Variants in PODXL2 observed in about 807,000 individuals in gnomAD.
The protein encoded by PODXL2 is podocalyxin-like protein 2.
A neutral mutation model predicts 53.4 loss-of-function variants in PODXL2; 17 were observed. That is an observed-to-expected ratio of 0.32 (90% CI 0.22 to 0.48). The LOEUF is 0.48. PODXL2 is among the 20% of genes least tolerant of loss of function. The probability of loss-of-function intolerance (pLI) is 0.99; values close to 1 mark genes in which losing one functional copy is unlikely to be tolerated. For missense variants in PODXL2, 673 were observed against 760.0 expected, an observed-to-expected ratio of 0.89 and a Z score of 1.35; for synonymous variants, 311 against 306.7, an observed-to-expected ratio of 1.01 and a Z score of -0.15.
intron 1 of PODXL2, among the ~76,000 whole-genome samples, chr3:127,636,277 A>G (rs1385174451): frequency 1.3e-5 from 2 of 152,208 alleles, no homozygotes; most frequent in African/African-American, 4.8e-5. Flanking sequence ...TTTCTTTCCC[A>G]TCTACCTAGT....
intron 2 of PODXL2, 76 bp from the exon 3 acceptor site, chr3:127,660,302 G>C (rs1266337658): frequency 1.9e-6 from 3 of 1,548,430 alleles, no homozygotes; most frequent in Admixed American, 3.8e-5. Flanking sequence ...GTTCTTTTAT[G>C]CCATCTGCCC....
At chr3:127,657,800 A>G (rs1000002380) in intron 2 of PODXL2, among the ~76,000 whole-genome samples, 1 of 152,300 alleles carries the variant, frequency 6.6e-6, no homozygotes, top group South Asian at 2.1e-4. Flanking sequence ...TTCATGCATT[A>G]TATCTTAATT....
In PODXL2 at chr3:127,669,123, G is replaced by A. The variant is rs2074814640; in HGVS notation, c.1364-18G>A. 2 of 1,581,322 alleles carry A rather than the reference G, an allele frequency of 1.3e-6. No individual in the cohort carries two copies. Among genetic ancestry groups the A allele is most frequent in the Non-Finnish European group, 1.7e-6 (2 of 1,158,262 alleles). ...CTCAGCCATGGTCACACTGATAGTGGTGTTTCTTACCCCCCAGGGGTGGTG... is the reference window on the plus strand; with the variant it reads ...CTCAGCCATGGTCACACTGATAGTGATGTTTCTTACCCCCCAGGGGTGGTG... On this transcript the variant is annotated intron_variant, in intron 5 of 7. Coordinates refer to ENST00000342480, the MANE Select transcript of PODXL2 (RefSeq NM_015720.4).
Position 127,652,186 on chromosome 3 carries a change from C to T in PODXL2, c.350-8192C>T, listed in dbSNP as rs149285391. Among the ~76,000 whole-genome samples, 17 of 152,326 alleles carry T rather than the reference C, an allele frequency of 1.1e-4. No individual in the cohort carries two copies. The East Asian group carries it at 3.3e-3, about 29-fold the overall frequency. On this transcript the variant is annotated intron_variant, in intron 2 of 7. Coordinates refer to ENST00000342480, the MANE Select transcript of PODXL2 (RefSeq NM_015720.4). ...ACAAGTCTAGCATCACAACTTAGAG[C>T]AAGAATCCTCCTCTCCTGGGCTCCC...
intron 5 of PODXL2, 55 bp downstream of exon 5, chr3:127,668,652 C>T (rs971647154): frequency 2.8e-6 from 4 of 1,422,068 alleles, no homozygotes; most frequent in Non-Finnish European, 3.7e-6. Context: ...GGCGGGCGGC[C>T]CCTGAGGGTC....
intron 4 of PODXL2, among the ~76,000 whole-genome samples, chr3:127,664,848 G>C (rs1232179513): frequency 6.6e-6 from 1 of 152,038 alleles, no homozygotes; most frequent in Admixed American, 6.5e-5. Flanking sequence ...TTGAGCATTA[G>C]TCATTATTAT....
At chr3:127,671,306 A>G in intron 6 of PODXL2, 128 bp from the exon 7 acceptor site, 1 of 803,822 alleles carries the variant, frequency 1.2e-6, no homozygotes, top group South Asian at 1.7e-5. Context: ...AGGGAACTTC[A>G]GGAGCCGGGA....
intron 2 of PODXL2, among the ~76,000 whole-genome samples, chr3:127,650,766 C>T (rs1020041334): frequency 1.2e-4 from 18 of 152,062 alleles, no homozygotes; most frequent in South Asian, 4.1e-4. Context: ...ACACCATTCT[C>T]CTGCCTCAGC....
intron 4 of PODXL2, among the ~76,000 whole-genome samples, chr3:127,665,107 T>C (rs1456047292): frequency 1.3e-5 from 2 of 152,220 alleles, no homozygotes; most frequent in Non-Finnish European, 2.9e-5. Flanking sequence ...CTACCTTATT[T>C]CAATTTCACC....
chr3:127,660,748 G>C lies in PODXL2; in HGVS notation c.720G>C (p.Gly240=). The part of the protein sequence containing the change: ...SSGVEVESSM[G]PSLLLPSVTP... ...GTGTGGAGGTGGAGAGCAGCATGGG[G>C]CCCAGCTTGCTGCTGCCTTCAGTCA... is the stretch of plus-strand genomic sequence containing the variant. Residue 240 remains glycine (G), a synonymous_variant, in exon 3 of 8, where the codon GGG becomes GGC. Coordinates refer to ENST00000342480, the MANE Select transcript of PODXL2 (RefSeq NM_015720.4). 1.2e-6 allele frequency: 2 copies of C among 1,614,174 alleles called. No homozygotes were observed. Among genetic ancestry groups the C allele is most frequent in the Non-Finnish European group, 1.7e-6 (2 of 1,180,024 alleles).
intron 2 of PODXL2, among the ~76,000 whole-genome samples, chr3:127,657,265 T>C (rs2074731332): frequency 6.6e-6 from 1 of 152,152 alleles, no homozygotes; most frequent in Admixed American, 6.5e-5. Flanking sequence ...AGAGAGATCG[T>C]TTTAGTCAGC....
At chr3:127,662,206 C>T (rs900326108) in intron 3 of PODXL2, 31 bp from the exon 4 acceptor site, 106 of 1,597,552 alleles carry the variant, frequency 6.6e-5, no homozygotes, top group Non-Finnish European at 7.0e-5. Context: ...GCCTTCGTAA[C>T]TGTCGCCCTT....
chr3:127,672,231 G>A (rs1427416214), intron 7 of PODXL2, 37 bp from the exon 8 acceptor site: 3 of 1,519,366 alleles, frequency 2.0e-6, no homozygotes, highest in Admixed American at 3.9e-5. Flanking sequence ...CCGGGGGCTG[G>A]CTCGCTCGCC....
intron 2 of PODXL2, 148 bp from the exon 3 acceptor site, chr3:127,660,230 C>T (rs1299822797): frequency 4.7e-6 from 4 of 853,634 alleles, no homozygotes; most frequent in Non-Finnish European, 7.2e-6. Flanking sequence ...TGTCCTCCCA[C>T]AGTCTGCTCC....
chr3:127,649,393 G>A (rs1008856330), intron 2 of PODXL2, among the ~76,000 whole-genome samples: 11 of 152,200 alleles, frequency 7.2e-5, no homozygotes, highest in Admixed American at 7.2e-4. Context: ...GTCCCTAATC[G>A]TCTCCTTAGG....
chr3:127,653,096 C>T (rs898258002), intron 2 of PODXL2, among the ~76,000 whole-genome samples: 1 of 152,304 alleles, frequency 6.6e-6, no homozygotes, highest in East Asian at 1.9e-4. Flanking sequence ...TTTTTCACCT[C>T]CAAAGTGCCT....
intron 2 of PODXL2, among the ~76,000 whole-genome samples, chr3:127,655,537 G>A (rs566985971): frequency 6.6e-6 from 1 of 152,302 alleles, no homozygotes; most frequent in Admixed American, 6.5e-5. Flanking sequence ...CCTGACCAGA[G>A]CCCTGTGTGG....
chr3:127,629,398 AGCGCGCGTGTCCCGGCCGGGCCGCGGC>A lies in PODXL2; in HGVS notation c.70+112_70+138del. 1 of 859,432 alleles carries A rather than the reference AGCGCGCGTGTCCCGGCCGGGCCGCGGC, an allele frequency of 1.2e-6. No homozygotes were observed. The highest frequency in any genetic ancestry group is 1.4e-6 in the Non-Finnish European group (1 of 715,774). The allele number at this position is 859,432 out of a possible 1,614,324, so 53.2% of individuals were successfully genotyped here. A position where few individuals can be genotyped will look rare whatever the true frequency, so the allele number is the denominator to read the frequency against. ...GGGGCCAGAGTGCGGCGCCGCCGGG[AGCGCGCGTGTCCCGGCCGGGCCGCGGC>A]GCCGCCCCGACACACGCGCACGAGG... On this transcript the variant is annotated intron_variant, in intron 1 of 7. Coordinates refer to ENST00000342480, the MANE Select transcript of PODXL2 (RefSeq NM_015720.4). This position sits in a 1 kb window ranked among gnomAD's most constrained non-coding sequence, Gnocchi z 6.4.
chr3:127,635,432 G>T (rs2074571796), intron 1 of PODXL2, among the ~76,000 whole-genome samples: 1 of 152,182 alleles, frequency 6.6e-6, no homozygotes, highest in Non-Finnish European at 1.5e-5. Context: ...TTTAATAAAG[G>T]CTTTTTGGTT....
Sources: gnomAD v4.1 joint callset for allele counts (sites outside exome capture counted in the v4.1 genomes callset) on GRCh38, gnomAD v4.1.1 for gene constraint, Gnocchi (gnomAD v3.1) non-coding constraint, MANE v1.5 for transcripts, NCBI Gene and HGNC (gene_info 2026-07-23, HGNC 2026-07-21) for gene names.